Variants in TSLP observed in about 807,000 individuals in gnomAD.
TSLP encodes the protein thymic stromal lymphopoietin, also known as thymic stroma-derived lymphopoietin.
In TSLP, 12 loss-of-function variants were observed where a neutral mutation model predicts 12.4. The observed-to-expected ratio is 0.97, with a 90% CI of 0.62 to 1.57. The LOEUF is 1.57. Ranked by LOEUF, TSLP falls within the 40% of genes most tolerant of loss-of-function variation. The pLI is 0.00. For missense variants in TSLP, 222 were observed against 189.6 expected (o/e 1.17, Z -1.00); for synonymous variants, 97 against 69.5 (o/e 1.40, Z -1.97).
At position 111,072,951 on chromosome 5, in the gene TSLP, G is replaced by A. The variant is rs1752381225; in HGVS notation, c.216+19G>A. On this transcript the variant is annotated intron_variant, in intron 2 of 3. Transcript: ENST00000344895. Reference sequence around the variant, plus strand: ...CAATCGGGTGAGTAGAGAGTTCAGTGCTGCTGGCTTTCTCCAGGGAGACGC... The same window carrying A: ...CAATCGGGTGAGTAGAGAGTTCAGTACTGCTGGCTTTCTCCAGGGAGACGC... The A allele has an allele frequency of 6.2e-7, 1 of 1,614,086 alleles. No individual in the cohort carries two copies. Among genetic ancestry groups the A allele is most frequent in the Non-Finnish European group, 8.5e-7 (1 of 1,179,914 alleles).
chr5:111,071,556 T>C, upstream of TSLP: 1 of 1,528,430 alleles, frequency 6.5e-7, no homozygotes, highest in East Asian at 2.4e-5. Context: ...ATGTTAAAAT[T>C]CCATAGATTT....
rs763603107 is a variant in TSLP, at chr5:111,072,889, C to G, written c.173C>G (p.Thr58Ser). 14 of 1,614,052 alleles carry G rather than the reference C, an allele frequency of 8.7e-6. No individual in the cohort carries two copies. Among genetic ancestry groups the G allele is most frequent in the South Asian group, 4.4e-5 (4 of 91,094 alleles). The change falls in exon 2 of 4, where the codon ACC becomes AGC. Residue 58 changes from threonine to serine, a missense_variant and splice_region_variant. Coordinates refer to ENST00000344895, the MANE Select transcript of TSLP (RefSeq NM_033035.5). ...TTGTCCTATTTTTCTTTCTTCCAGA[C>G]CAAAAGTACCGAGTTCAACAACACC... ...SKDLITYMSG[T>S]KSTEFNNTVS...
At position 111,077,038 on chromosome 5, in the gene TSLP, C is replaced by A. The variant is rs1311816729; in HGVS notation, c.*964C>A. The A allele has an allele frequency of 6.6e-6, 1 of 152,180 alleles. No homozygotes were observed. The allele number at this position is 152,180 out of a possible 1,614,324, so 9.4% of individuals were successfully genotyped here. On this transcript the variant is annotated 3_prime_UTR_variant, in exon 4 of 4. Coordinates refer to ENST00000344895, the MANE Select transcript of TSLP (RefSeq NM_033035.5). ...TTTATTTTTTCCCCTCTTGAACTTT[C>A]CTCACACCTGGAAGAAACAAAGTAG...
chr5:111,072,650 G>T (rs949113364), intron 1 of TSLP, among the ~76,000 whole-genome samples: 2 of 152,270 alleles, frequency 1.3e-5, no homozygotes, highest in Non-Finnish European at 2.9e-5. Flanking sequence ...GTTATGGCTT[G>T]AGGGAAGGGA....
chr5:111,070,777 C>G (rs2112540316), upstream of TSLP: 1 of 152,404 alleles, frequency 6.6e-6, no homozygotes, highest in East Asian at 1.9e-4. Flanking sequence ...CAGACGTTTT[C>G]CAGTCTACGC....
At chr5:111,074,658 T>C (rs1384143251) in intron 3 of TSLP, among the ~76,000 whole-genome samples, 1 of 124,598 alleles carries the variant, frequency 8.0e-6, no homozygotes, top group African/African-American at 3.2e-5. Context: ...TGAGACAGAA[T>C]CTCGCTCTGT....
In TSLP at chr5:111,073,615, T is replaced by C; in HGVS notation, c.321T>C (p.Ala107=). ...MFAMKTKAAL[A]IWCPGYSETQ... is the part of the protein sequence containing the mutation. ...CCATGAAAACTAAGGCTGCCTTAGCTATCTGGTGCCCAGGCTATTCGGAAA... is the reference window on the plus strand; with the variant it reads ...CCATGAAAACTAAGGCTGCCTTAGCCATCTGGTGCCCAGGCTATTCGGAAA... Residue 107 remains alanine, a synonymous_variant, in exon 3 of 4, where the codon GCT becomes GCC. Transcript: ENST00000344895. 6.2e-7 allele frequency: 1 copy of C among 1,614,228 alleles called. No homozygotes were observed. Among genetic ancestry groups the C allele is most frequent in the South Asian group, 1.1e-5 (1 of 91,088 alleles).
chr5:111,073,349 C>G, intron 2 of TSLP, 162 bp from the exon 3 acceptor site: 6 of 1,471,396 alleles, frequency 4.1e-6, no homozygotes, highest in Non-Finnish European at 4.5e-6. Context: ...GCGGTTGGTT[C>G]TTCCTTGCTC....
upstream of TSLP, chr5:111,070,723 TCTC>T (rs1241431562): frequency 3.9e-5 from 6 of 152,248 alleles, no homozygotes; most frequent in Non-Finnish European, 7.3e-5. Context: ...TCTCGATGCT[TCTC>T]CTGTCTCTAA....
At chr5:111,073,166 C>A (rs1752389049) in intron 2 of TSLP, 1 of 897,648 alleles carries the variant, frequency 1.1e-6, no homozygotes, top group Admixed American at 3.1e-5. Flanking sequence ...AAATTGGGAA[C>A]TGGGACGAGG....
At chr5:111,071,221 T>A, upstream of TSLP, 1 of 417,846 alleles carries the variant, frequency 2.4e-6, no homozygotes, top group Admixed American at 4.0e-5. Flanking sequence ...TGTCGAAGAC[T>A]GAGACTGCAC....
intron 2 of TSLP, chr5:111,073,300 G>GAT: frequency 7.0e-7 from 1 of 1,422,156 alleles, no homozygotes; most frequent in Non-Finnish European, 9.1e-7. Context: ...TTTTCGCGAC[G>GAT]AGTGCCCTCC....
chr5:111,072,917 C>T lies in TSLP; in HGVS notation c.201C>T (p.Val67=), dbSNP rs200379315. ...AAAGTACCGAGTTCAACAACACCGTCTCTTGTAGCAATCGGGTGAGTAGAG... is the reference window on the plus strand; with the variant it reads ...AAAGTACCGAGTTCAACAACACCGTTTCTTGTAGCAATCGGGTGAGTAGAG... ...GTKSTEFNNT[V]SCSNRPHCLT... Residue 67 remains valine, a synonymous_variant, in exon 2 of 4, where the codon GTC becomes GTT. Coordinates refer to ENST00000344895, the MANE Select transcript of TSLP (RefSeq NM_033035.5). The T allele has an allele frequency of 1.8e-5, 29 of 1,614,126 alleles. No homozygotes were observed. Among genetic ancestry groups the T allele is most frequent in the Non-Finnish European group, 2.4e-5 (28 of 1,180,054 alleles).
intron 2 of TSLP, 123 bp from the exon 3 acceptor site, chr5:111,073,388 T>C (rs535397712): frequency 1.3e-6 from 2 of 1,550,048 alleles, no homozygotes; most frequent in Admixed American, 3.8e-5. Context: ...TCTCTCTGAC[T>C]CTCGACTTGT....
At chr5:111,073,179 A>T (rs1752389563) in intron 2 of TSLP, 2 of 918,078 alleles carry the variant, frequency 2.2e-6, no homozygotes, top group Admixed American at 3.1e-5. Context: ...GGACGAGGGA[A>T]CGTTGTTAGG....
intron 3 of TSLP, 38 bp downstream of exon 3, chr5:111,073,683 G>T (rs563965748): frequency 1.3e-6 from 2 of 1,592,704 alleles, no homozygotes; most frequent in Admixed American, 3.5e-5. Context: ...GTACCTTGGG[G>T]CTAACCTCAA....
intron 3 of TSLP, among the ~76,000 whole-genome samples, chr5:111,074,584 G>A (rs1304212567): frequency 6.6e-6 from 1 of 150,674 alleles, no homozygotes; most frequent in Non-Finnish European, 1.5e-5. Context: ...TAGCCTAGTG[G>A]ACTTTATATG....
At chr5:111,072,589 G>A (rs1269525546) in intron 1 of TSLP, among the ~76,000 whole-genome samples, 2 of 152,100 alleles carry the variant, frequency 1.3e-5, no homozygotes, top group African/African-American at 4.8e-5. Flanking sequence ...CAGTACAGAT[G>A]CGGACATCCA....
chr5:111,072,924 AGCAATCG>A lies in TSLP; in HGVS notation c.210_216del (p.Asn71HisfsTer10). 1.2e-6 allele frequency: 2 copies of A among 1,614,174 alleles called. No homozygotes were observed. The highest frequency in any genetic ancestry group is 1.7e-6 in the Non-Finnish European group (2 of 1,180,026). On this transcript the variant is annotated frameshift_variant and splice_region_variant, in exon 2 of 4. Coordinates refer to ENST00000344895, the MANE Select transcript of TSLP (RefSeq NM_033035.5). LOFTEE classifies it high-confidence loss of function. ...CGAGTTCAACAACACCGTCTCTTGT[AGCAATCG>A]GGTGAGTAGAGAGTTCAGTGCTGCT...
Sources: gnomAD v4.1 joint callset for allele counts (sites outside exome capture counted in the v4.1 genomes callset) on GRCh38, gnomAD v4.1.1 for gene constraint, MANE v1.5 for transcripts, NCBI Gene and HGNC (gene_info 2026-07-23, HGNC 2026-07-21) for gene names.